Variants in MERTK observed in about 807,000 individuals in gnomAD.
The protein encoded by MERTK is tyrosine-protein kinase Mer.
In MERTK, 69 loss-of-function variants were observed where a neutral mutation model predicts 99.3. The ratio of observed to expected loss-of-function variants is 0.70; its 90% confidence interval spans 0.57 to 0.85. The LOEUF (loss-of-function observed/expected upper bound fraction) is 0.85. Among genes scored for constraint, MERTK ranks in the 40% least tolerant of loss-of-function variants. The pLI is 0.00. For synonymous variants in MERTK, 426 were observed against 467.6 expected (o/e 0.91, Z 1.15); for missense variants, 1,125 against 1,249.4 (o/e 0.90, Z 1.50).
chr2:112,015,025 C>T (rs1273539233), intron 15 of MERTK, among the ~76,000 whole-genome samples: 1 of 152,162 alleles, frequency 6.6e-6, no homozygotes, highest in Non-Finnish European at 1.5e-5. Context: ...TAGTTCATTC[C>T]TTCTTTATTG....
intron 4 of MERTK, 130 bp downstream of exon 4, chr2:111,947,697 AT>A: frequency 9.1e-7 from 1 of 1,100,048 alleles, no homozygotes; most frequent in Non-Finnish European, 1.4e-6. Context: ...CAGCAAAGTT[AT>A]GGGACCAGGT....
At chr2:112,021,306 G>A (rs1677342054) in intron 16 of MERTK, 116 bp from the exon 17 acceptor site, 1 of 1,444,382 alleles carries the variant, frequency 6.9e-7, no homozygotes, top group East Asian at 2.3e-5. Flanking sequence ...CAGGCTGGTG[G>A]TGTCTCTGTG....
Position 111,945,030 on chromosome 2 carries a change from G to C in MERTK, c.553G>C (p.Val185Leu). The C allele has an allele frequency of 6.2e-7, 1 of 1,613,482 alleles. No homozygotes were observed. Among genetic ancestry groups the C allele is most frequent in the Non-Finnish European group, 8.5e-7 (1 of 1,179,574 alleles). ...CKMKINNEEIVSDPIYIEVQG... is the reference protein window; with the variant it reads ...CKMKINNEEILSDPIYIEVQG... The stretch of plus-strand genomic sequence containing the variant: ...GATGAAAATAAACAATGAAGAGATC[G>C]TGTCTGATCCCATCTACATCGAAGT... Residue 185 changes from valine (V) to leucine (L), a missense_variant, in exon 3 of 19, where the codon GTG becomes CTG. By Grantham distance (32) the Val-to-Leu change is conservative. Coordinates refer to ENST00000295408, the MANE Select transcript of MERTK (RefSeq NM_006343.3).
intron 13 of MERTK, 21 bp from the exon 14 acceptor site, chr2:112,008,362 C>CTTTTCTA (rs1558805509): frequency 6.3e-7 from 1 of 1,588,782 alleles, no homozygotes. Flanking sequence ...CATACTTAAC[C>CTTTTCTA]TTTTCTATTT....
At chr2:111,928,534 G>A (rs549263812) in intron 1 of MERTK, among the ~76,000 whole-genome samples, 2 of 152,288 alleles carry the variant, frequency 1.3e-5, no homozygotes, top group South Asian at 4.1e-4. Flanking sequence ...CACCCAGGCT[G>A]GAGTGCTGTG....
chr2:111,955,995 C>T (rs558967805), intron 4 of MERTK, among the ~76,000 whole-genome samples: 174 of 151,604 alleles, frequency 1.1e-3, no homozygotes, highest in Non-Finnish European at 2.3e-3. Context: ...GGAGGGATAG[C>T]ATTAGGAGAT....
chr2:111,978,562 T>C (rs1018379007), intron 7 of MERTK, among the ~76,000 whole-genome samples: 2 of 152,166 alleles, frequency 1.3e-5, no homozygotes, highest in Non-Finnish European at 2.9e-5. Context: ...TCCCAAAATG[T>C]TTATAGGCAT....
chr2:111,995,623 G>T (rs181113954), intron 9 of MERTK: 2 of 188,464 alleles, frequency 1.1e-5, no homozygotes, highest in Admixed American at 8.4e-5. Context: ...TGATGGGGAG[G>T]CAAGATGTGT....
intron 6 of MERTK, among the ~76,000 whole-genome samples, chr2:111,973,670 TATC>T (rs1676169997): frequency 6.6e-6 from 1 of 152,214 alleles, no homozygotes; most frequent in Non-Finnish European, 1.5e-5. Context: ...TTTTACCCGA[TATC>T]ATTTTGTCTG....
chr2:112,000,591 T>G (rs1027430272), intron 10 of MERTK, among the ~76,000 whole-genome samples: 3 of 152,178 alleles, frequency 2.0e-5, no homozygotes, highest in Non-Finnish European at 4.4e-5. Flanking sequence ...AGAATTAAAA[T>G]GCCATTGTCA....
intron 1 of MERTK, among the ~76,000 whole-genome samples, chr2:111,926,265 C>T (rs991933591): frequency 1.3e-5 from 2 of 152,026 alleles, no homozygotes; most frequent in East Asian, 1.9e-4. Context: ...TTTGCTTCTC[C>T]CACTTCCCAT....
intron 1 of MERTK, among the ~76,000 whole-genome samples, chr2:111,928,234 T>A (rs1684604082): frequency 7.1e-6 from 1 of 141,122 alleles, no homozygotes; most frequent in Non-Finnish European, 1.5e-5. Context: ...TTTTTTTTTT[T>A]TTTTTTTTTG....
At chr2:111,986,549 G>T (rs1676481034) in intron 8 of MERTK, among the ~76,000 whole-genome samples, 1 of 152,200 alleles carries the variant, frequency 6.6e-6, no homozygotes, top group Non-Finnish European at 1.5e-5. Context: ...TCTGAAGGGG[G>T]CCTCTTGAGC....
intron 4 of MERTK, among the ~76,000 whole-genome samples, chr2:111,959,757 A>G (rs1038852734): frequency 1.3e-5 from 2 of 152,122 alleles, no homozygotes; most frequent in African/African-American, 4.8e-5. Context: ...AGCCTCCTGT[A>G]GTGCTGGGAT....
chr2:111,911,768 G>C (rs1272359083), intron 1 of MERTK, among the ~76,000 whole-genome samples: 1 of 143,614 alleles, frequency 7.0e-6, no homozygotes, highest in Non-Finnish European at 1.5e-5. Flanking sequence ...TAGCTCACTG[G>C]AGCCTAAACT....
chr2:112,019,222 T>C, intron 15 of MERTK, 191 bp from the exon 16 acceptor site: 2 of 723,524 alleles, frequency 2.8e-6, no homozygotes, highest in Non-Finnish European at 5.0e-6. Context: ...TGCCAAGAAG[T>C]TTAAGGTTTT....
intron 1 of MERTK, among the ~76,000 whole-genome samples, chr2:111,914,214 C>T (rs756947238): frequency 8.0e-5 from 12 of 149,778 alleles, no homozygotes; most frequent in Non-Finnish European, 1.5e-4. Context: ...AAGTGATTCT[C>T]CTGTCTCAGC....
Position 112,028,865 on chromosome 2 carries a change from G to A in MERTK, c.*1G>A, listed in dbSNP as rs774371453. 3.1e-6 allele frequency: 5 copies of A among 1,613,648 alleles called. No individual in the cohort carries two copies. Among genetic ancestry groups the A allele is most frequent in the Non-Finnish European group, 4.2e-6 (5 of 1,180,038 alleles). On this transcript the variant is annotated 3_prime_UTR_variant, in exon 19 of 19. Transcript: ENST00000295408. ...AGAAGGCTCAGAAGTCCTGATGTGA[G>A]GAGAGGTGCGGGGAGACATTCCAAA...
intron 15 of MERTK, among the ~76,000 whole-genome samples, chr2:112,014,021 ATTT>A (rs1279471792): frequency 7.1e-5 from 9 of 126,838 alleles, no homozygotes; most frequent in Admixed American, 7.8e-5. Flanking sequence ...TGCCTGGCTT[ATTT>A]TTTTTTTTTT....
Sources: gnomAD v4.1 joint callset for allele counts (sites outside exome capture counted in the v4.1 genomes callset) on GRCh38, gnomAD v4.1.1 for gene constraint, MANE v1.5 for transcripts, NCBI Gene and HGNC (gene_info 2026-07-23, HGNC 2026-07-21) for gene names.